The following ZDHHC20 variants were observed in gnomAD, a reference collection of about 807,000 sequenced individuals.
The protein encoded by ZDHHC20 is zDHHC palmitoyltransferase 20.
In ZDHHC20, 43 loss-of-function variants were observed where a neutral mutation model predicts 57.8. That is an observed-to-expected ratio of 0.74 (90% CI 0.58 to 0.96). The LOEUF is 0.96. Among genes scored for constraint, ZDHHC20 ranks in the 40% least tolerant of loss-of-function variants. The pLI, the probability that ZDHHC20 is intolerant of heterozygous loss-of-function variation, is 0.00. For synonymous variants in ZDHHC20, 157 were observed against 153.0 expected, an observed-to-expected ratio of 1.03 and a Z score of -0.19; for missense variants, 391 against 441.1, an observed-to-expected ratio of 0.89 and a Z score of 1.02.
intron 1 of ZDHHC20, among the ~76,000 whole-genome samples, chr13:21,453,413 G>A (rs183211340): frequency 3.4e-4 from 51 of 152,238 alleles, no homozygotes; most frequent in Admixed American, 7.8e-4. Flanking sequence ...AGAAAATAGA[G>A]GACTTGAATA....
chr13:21,383,977 G>A (rs1468441101), intron 9 of ZDHHC20, among the ~76,000 whole-genome samples: 1 of 152,010 alleles, frequency 6.6e-6, no homozygotes, highest in Non-Finnish European at 1.5e-5. Context: ...TGAACAGTAC[G>A]AAATAATTGT....
intron 4 of ZDHHC20, among the ~76,000 whole-genome samples, chr13:21,403,684 T>C (rs2137807874): frequency 6.6e-6 from 1 of 152,138 alleles, no homozygotes; most frequent in Non-Finnish European, 1.5e-5. Flanking sequence ...GTTGCTTTTT[T>C]GTTTGTTTTT....
At chr13:21,377,578 G>A (rs5027596) in intron 12 of ZDHHC20, 13 of 70,462 alleles carry the variant, frequency 1.8e-4, no homozygotes, top group South Asian at 6.7e-4. Context: ...ACTGCCCGAC[G>A]TGACCTCCAC....
intron 7 of ZDHHC20, among the ~76,000 whole-genome samples, 157 bp from the exon 8 acceptor site, chr13:21,392,011 G>T (rs1449563515): frequency 6.6e-6 from 1 of 152,092 alleles, no homozygotes; most frequent in East Asian, 1.9e-4. Flanking sequence ...CAAAAGCAAA[G>T]AATTGGTATT....
chr13:21,401,540 G>C (rs1276639705), intron 6 of ZDHHC20, 113 bp downstream of exon 6: 10 of 879,474 alleles, frequency 1.1e-5, no homozygotes, highest in African/African-American at 1.7e-5. Flanking sequence ...TATGTAAAGA[G>C]ATCAATCTTA....
intron 7 of ZDHHC20, among the ~76,000 whole-genome samples, chr13:21,395,378 A>G (rs931755454): frequency 1.4e-5 from 2 of 147,920 alleles, no homozygotes; most frequent in African/African-American, 5.0e-5. Flanking sequence ...AATTCTTCCT[A>G]TGTTATTAAG....
chr13:21,402,737 C>T, intron 5 of ZDHHC20, 60 bp downstream of exon 5: 1 of 1,386,074 alleles, frequency 7.2e-7, no homozygotes. Flanking sequence ...CTTCCCCTTG[C>T]ACTTTCCCAT....
intron 12 of ZDHHC20, chr13:21,377,520 G>A (rs1268059078): frequency 8.8e-5 from 6 of 68,408 alleles, no homozygotes; most frequent in Non-Finnish European, 1.3e-4. Context: ...TAGTGCCTGC[G>A]ATCTGACTCT....
At chr13:21,440,819 T>C (rs1371518878) in intron 1 of ZDHHC20, among the ~76,000 whole-genome samples, 4 of 152,132 alleles carry the variant, frequency 2.6e-5, no homozygotes, top group Non-Finnish European at 5.9e-5. Flanking sequence ...CTTTAATTAG[T>C]CTATTTCTGG....
chr13:21,414,575 G>A (rs1212802962), intron 3 of ZDHHC20, among the ~76,000 whole-genome samples: 4 of 142,096 alleles, frequency 2.8e-5, no homozygotes, highest in East Asian at 2.0e-4. Flanking sequence ...GTTTCACCGT[G>A]TTAGCCAGGA....
chr13:21,390,835 G>C (rs1029033765), intron 8 of ZDHHC20, among the ~76,000 whole-genome samples: 1 of 151,844 alleles, frequency 6.6e-6, no homozygotes, highest in Non-Finnish European at 1.5e-5. Context: ...AGGAGGTCAA[G>C]GCTGCAGTGA....
At chr13:21,442,734 G>A (rs950333434) in intron 1 of ZDHHC20, among the ~76,000 whole-genome samples, 4 of 151,718 alleles carry the variant, frequency 2.6e-5, no homozygotes, top group African/African-American at 7.3e-5. Flanking sequence ...CAGCCTGGAC[G>A]ACAGAGCGAG....
At chr13:21,431,709 T>G (rs559289175) in intron 1 of ZDHHC20, among the ~76,000 whole-genome samples, 1 of 152,360 alleles carries the variant, frequency 6.6e-6, no homozygotes, top group Admixed American at 6.5e-5. Flanking sequence ...TTCATTTCAC[T>G]TTTGTGTTTT....
chr13:21,456,118 C>T (rs765685350), intron 1 of ZDHHC20, among the ~76,000 whole-genome samples: 1 of 152,088 alleles, frequency 6.6e-6, no homozygotes, highest in Non-Finnish European at 1.5e-5. Flanking sequence ...CTAAGAATAT[C>T]CTATAGGCCG....
intron 7 of ZDHHC20, among the ~76,000 whole-genome samples, chr13:21,397,921 CTGTG>C (rs1161083029): frequency 6.6e-6 from 1 of 151,952 alleles, no homozygotes; most frequent in Non-Finnish European, 1.5e-5. Flanking sequence ...TAAACCATGT[CTGTG>C]ATATTAGGAA....
At chr13:21,439,934 G>A (rs1341019768) in intron 1 of ZDHHC20, among the ~76,000 whole-genome samples, 6 of 151,792 alleles carry the variant, frequency 4.0e-5, no homozygotes, top group Admixed American at 2.6e-4. Context: ...AGGTTTGGTG[G>A]CATGCGCCTG....
At chr13:21,448,335 C>T (rs1461590188) in intron 1 of ZDHHC20, among the ~76,000 whole-genome samples, 5 of 102,880 alleles carry the variant, frequency 4.9e-5, no homozygotes, top group East Asian at 5.3e-4. Context: ...GTCAGCCCCC[C>T]GCCCGGCCAG....
intron 7 of ZDHHC20, among the ~76,000 whole-genome samples, chr13:21,399,526 C>CA (rs1315476791): frequency 2.6e-5 from 4 of 151,868 alleles, no homozygotes; most frequent in Admixed American, 6.6e-5. Context: ...AGTTTTTCCT[C>CA]AAAAAATATA....
chr13:21,417,082 A>G (rs1880072420), intron 3 of ZDHHC20, among the ~76,000 whole-genome samples: 1 of 152,202 alleles, frequency 6.6e-6, no homozygotes, highest in African/African-American at 2.4e-5. Flanking sequence ...CTGGGGATAC[A>G]GGAATAAACA....
Sources: allele counts gnomAD v4.1 joint callset (sites outside exome capture counted in the v4.1 genomes callset), GRCh38; gene constraint gnomAD v4.1.1; transcripts MANE v1.5; gene names NCBI Gene and HGNC (gene_info 2026-07-23, HGNC 2026-07-21).